The following FXN variants were observed in gnomAD, a reference collection of about 807,000 sequenced individuals.
The protein encoded by FXN is frataxin, also known as frataxin, mitochondrial.
In FXN, 14 loss-of-function variants were observed where a neutral mutation model predicts 22.4. The ratio of observed to expected loss-of-function variants is 0.62; its 90% CI spans 0.41 to 0.98. The LOEUF is 0.98. Among genes scored for constraint, FXN ranks in the 50% least tolerant of loss-of-function variants. The probability of loss-of-function intolerance (pLI) is 0.00; values close to 1 mark genes in which losing one functional copy is unlikely to be tolerated. For synonymous variants in FXN, 120 were observed against 114.1 expected, an observed-to-expected ratio of 1.05 and a Z score of -0.33; for missense variants, 267 against 268.4, an observed-to-expected ratio of 0.99 and a Z score of 0.04.
chr9:69,045,672 G>A (rs1021994672), intron 1 of FXN, among the ~76,000 whole-genome samples: 4 of 152,166 alleles, frequency 2.6e-5, no homozygotes, highest in Non-Finnish European at 5.9e-5. Context: ...TTCACCGGAT[G>A]CAGAGTCCAA....
chr9:69,062,637 A>T (rs1832094905), intron 3 of FXN, among the ~76,000 whole-genome samples: 1 of 152,074 alleles, frequency 6.6e-6, no homozygotes, highest in Admixed American at 6.6e-5. Context: ...CACCACCATA[A>T]ATGTATAATT....
Position 69,074,167 on chromosome 9 carries a change from G to A in FXN, c.*1405G>A. 1 of 812,078 alleles carries A rather than the reference G, an allele frequency of 1.2e-6. No individual in the cohort carries two copies. The highest frequency in any genetic ancestry group is 1.5e-6 in the Non-Finnish European group (1 of 672,986). The allele number at this position is 812,078 out of a possible 1,614,324, so 50.3% of individuals were successfully genotyped here. On this transcript the variant is annotated 3_prime_UTR_variant, in exon 5 of 5. Transcript: ENST00000484259. ...CCATTGCACTGTAACCTGGGTGACT[G>A]AGCAAAACTCTGTCTCAAAATAATA...
chr9:69,035,781 G>C lies in FXN; in HGVS notation c.-2G>C, dbSNP rs1304078290. The C allele has an allele frequency of 4.6e-6, 7 of 1,507,748 alleles. No homozygotes were observed. The highest frequency in any genetic ancestry group is 4.4e-6 in the Non-Finnish European group (5 of 1,134,694). The allele number at this position is 1,507,748 out of a possible 1,614,324, so 93.4% of individuals were successfully genotyped here. A position where few individuals can be genotyped will look rare whatever the true frequency, so the allele number is the denominator to read the frequency against. Reference sequence around the variant, plus strand: ...CGGAGCGGGCGGCAGACCCGGAGCAGCATGTGGACTCTCGGGCGCCGCGCA... The same window carrying C: ...CGGAGCGGGCGGCAGACCCGGAGCACCATGTGGACTCTCGGGCGCCGCGCA... On this transcript the variant is annotated 5_prime_UTR_variant, in exon 1 of 5. Coordinates refer to ENST00000484259, the MANE Select transcript of FXN (RefSeq NM_000144.5).
Position 69,078,623 on chromosome 9 carries a change from C to A in FXN, c.*5861C>A. 1 of 985,866 alleles carries A rather than the reference C, an allele frequency of 1.0e-6. No individual in the cohort carries two copies. The highest frequency in any genetic ancestry group is 1.2e-6 in the Non-Finnish European group (1 of 830,004). The allele number at this position is 985,866 out of a possible 1,614,324, so 61.1% of individuals were successfully genotyped here. On this transcript the variant is annotated 3_prime_UTR_variant, in exon 5 of 5. Transcript: ENST00000484259. ...ACATATAATTATGCTTTTCTACCCC[C>A]TCACACTCAACACTTTGACTCCAGC...
rs181344343 is a variant in FXN at position 69,051,383 on chromosome 9, A to G, written c.264-1757A>G. On this transcript the variant is annotated intron_variant, in intron 2 of 4. Transcript: ENST00000484259. Reference sequence around the variant, plus strand: ...AGGCATGAGCCACTGCACCCAGCCCATGGCCAGCTCTTGATACGATCTGTC... The same window carrying G: ...AGGCATGAGCCACTGCACCCAGCCCGTGGCCAGCTCTTGATACGATCTGTC... Among the ~76,000 whole-genome samples the G allele has an allele frequency of 2.2e-3, 334 of 150,772 alleles. 4 individuals carry two copies. Among genetic ancestry groups the G allele is most frequent in the African/African-American group, 7.4e-3 (303 of 41,098 alleles).
At chr9:69,060,619 T>G (rs983171552) in intron 3 of FXN, among the ~76,000 whole-genome samples, 3 of 152,222 alleles carry the variant, frequency 2.0e-5, no homozygotes, top group African/African-American at 7.2e-5. Flanking sequence ...CTAGTTTCTT[T>G]CCTGTCACCA....
rs897314576 is a variant in FXN, at chr9:69,075,520, T to C, written c.*2758T>C. The stretch of plus-strand genomic sequence containing the variant: ...ACATGAACAGCAGCCAGGGGAAGAA[T>C]CAAAATCATATTCTGTCAAGCAAAC... On this transcript the variant is annotated 3_prime_UTR_variant, in exon 5 of 5. Coordinates refer to ENST00000484259, the MANE Select transcript of FXN (RefSeq NM_000144.5). The C allele has an allele frequency of 1.0e-6, 1 of 984,858 alleles. No homozygotes were observed. Among genetic ancestry groups the C allele is most frequent in the South Asian group, 4.7e-5 (1 of 21,230 alleles). The allele number at this position is 984,858 out of a possible 1,614,324, so 61.0% of individuals were successfully genotyped here. A position where few individuals can be genotyped will look rare whatever the true frequency, so the allele number is the denominator to read the frequency against.
At chr9:69,036,091 C>T (rs1315427596) in intron 1 of FXN, 144 bp downstream of exon 1, 5 of 628,274 alleles carry the variant, frequency 8.0e-6, no homozygotes, top group South Asian at 7.7e-5. Flanking sequence ...CAGGGCGGCC[C>T]GGCGGAAGCG....
chr9:69,036,486 G>A (rs996960221), intron 1 of FXN, among the ~76,000 whole-genome samples: 1 of 152,206 alleles, frequency 6.6e-6, no homozygotes, highest in African/African-American at 2.4e-5. Context: ...GAAACTTTCA[G>A]AGCTGCAGAA....
At chr9:69,072,374 T>C (rs1219537002) in intron 4 of FXN, among the ~76,000 whole-genome samples, 2 of 152,228 alleles carry the variant, frequency 1.3e-5, no homozygotes, top group Non-Finnish European at 2.9e-5. Flanking sequence ...TGGAGACTTA[T>C]CAGTAAGGGT....
intron 1 of FXN, among the ~76,000 whole-genome samples, chr9:69,044,877 TA>T (rs911054780): frequency 3.3e-5 from 5 of 152,258 alleles, no homozygotes; most frequent in African/African-American, 9.6e-5. Flanking sequence ...CAGATCATGA[TA>T]ATAAGATCTG....
intron 3 of FXN, among the ~76,000 whole-genome samples, chr9:69,056,692 A>C (rs1474979225): frequency 6.6e-6 from 1 of 152,058 alleles, no homozygotes; most frequent in Non-Finnish European, 1.5e-5. Context: ...ACCACTAAAA[A>C]GGAAGGGCAG....
chr9:69,045,323 G>T (rs1831729887), intron 1 of FXN, among the ~76,000 whole-genome samples: 1 of 151,982 alleles, frequency 6.6e-6, no homozygotes, highest in African/African-American at 2.4e-5. Flanking sequence ...TTAATATAGG[G>T]CTGGGTGCGG....
At chr9:69,037,384 T>C (rs977830919) in intron 1 of FXN, among the ~76,000 whole-genome samples, 13 of 151,878 alleles carry the variant, frequency 8.6e-5, no homozygotes, top group African/African-American at 3.1e-4. Context: ...GAGAATCGCT[T>C]GAGCCCGGGA....
chr9:69,067,744 A>C (rs1214961342), intron 4 of FXN, among the ~76,000 whole-genome samples: 1 of 152,216 alleles, frequency 6.6e-6, no homozygotes, highest in East Asian at 1.9e-4. Context: ...CCAGATCTGC[A>C]GGTCTCAGCC....
rs952920394 is a variant in FXN at position 69,078,821 on chromosome 9, T to G, written c.*6059T>G. ...TTGCAAACTCCTCCTCCACTCAGCC[T>G]CTGCCTGGATGCCCTTGATTGTTCC... On this transcript the variant is annotated 3_prime_UTR_variant, in exon 5 of 5. Coordinates refer to ENST00000484259, the MANE Select transcript of FXN (RefSeq NM_000144.5). The G allele has an allele frequency of 2.0e-6, 2 of 985,734 alleles. No individual in the cohort carries two copies. The highest frequency in any genetic ancestry group is 2.4e-6 in the Non-Finnish European group (2 of 830,154). 61.1% of individuals were successfully genotyped at this position (985,734 alleles called of 1,614,324 possible). A position where few individuals can be genotyped will look rare whatever the true frequency, so the allele number is the denominator to read the frequency against.
At chr9:69,062,633 C>T (rs1220939491) in intron 3 of FXN, among the ~76,000 whole-genome samples, 1 of 151,922 alleles carries the variant, frequency 6.6e-6, no homozygotes, top group East Asian at 1.9e-4. Flanking sequence ...GAAACACCAC[C>T]ATAAATGTAT....
chr9:69,078,550 A>G lies in FXN; in HGVS notation c.*5788A>G. 1 of 985,620 alleles carries G rather than the reference A, an allele frequency of 1.0e-6. No individual in the cohort carries two copies. Among genetic ancestry groups the G allele is most frequent in the Non-Finnish European group, 1.2e-6 (1 of 829,946 alleles). The allele number at this position is 985,620 out of a possible 1,614,324, so 61.1% of individuals were successfully genotyped here. ...AAGCAGGACCAAGGCCAAGTTTCTTAGCCTGAAAAATGTGCTTTTCTGACT... is the reference window on the plus strand; with the variant it reads ...AAGCAGGACCAAGGCCAAGTTTCTTGGCCTGAAAAATGTGCTTTTCTGACT... On this transcript the variant is annotated 3_prime_UTR_variant, in exon 5 of 5. Transcript: ENST00000484259.
intron 4 of FXN, 81 bp from the exon 5 acceptor site, chr9:69,072,531 T>G (rs1357211982): frequency 6.2e-7 from 1 of 1,608,710 alleles, no homozygotes; most frequent in East Asian, 2.2e-5. Flanking sequence ...AGTCAATTTC[T>G]TGGGGGCAGC....
Sources: gnomAD v4.1 joint callset for allele counts (sites outside exome capture counted in the v4.1 genomes callset) on GRCh38, gnomAD v4.1.1 for gene constraint, MANE v1.5 for transcripts, NCBI Gene and HGNC (gene_info 2026-07-23, HGNC 2026-07-21) for gene names.